FAM13C: variants seen among roughly 807,000 people sequenced by gnomAD.
The protein encoded by FAM13C is protein FAM13C.
FAM13C carries 37 observed loss-of-function variants against 73.2 expected under a neutral mutation model. That is an observed-to-expected ratio of 0.51 (90% CI 0.39 to 0.67). The LOEUF (loss-of-function observed/expected upper bound fraction) is 0.67, where lower values mean the gene tolerates loss of function less well. Among genes scored for constraint, FAM13C ranks in the 30% least tolerant of loss-of-function variants. The pLI, the probability that FAM13C is intolerant of heterozygous loss-of-function variation, is 0.00. For synonymous variants in FAM13C, 246 were observed against 260.9 expected (o/e 0.94, Z 0.55); for missense variants, 589 against 715.6 (o/e 0.82, Z 2.02).
intron 9 of FAM13C, 75 bp downstream of exon 9, chr10:59,264,010 A>T: frequency 1.5e-6 from 2 of 1,347,082 alleles, no homozygotes; most frequent in Non-Finnish European, 2.1e-6. Context: ...AATGAATCTA[A>T]AATGCTCTGG....
intron 3 of FAM13C, among the ~76,000 whole-genome samples, chr10:59,334,561 T>A (rs571436877): frequency 6.6e-6 from 1 of 152,198 alleles, no homozygotes; most frequent in Non-Finnish European, 1.5e-5. Context: ...ATATACACCA[T>A]GGAATACTGT....
chr10:59,254,213 T>C (rs1316786208), intron 11 of FAM13C, 135 bp downstream of exon 11: 1 of 516,110 alleles, frequency 1.9e-6, no homozygotes. Flanking sequence ...AAATTTTCAC[T>C]TTTTGAAATG....
chr10:59,255,969 A>G (rs903317399), intron 10 of FAM13C, among the ~76,000 whole-genome samples: 3 of 151,960 alleles, frequency 2.0e-5, no homozygotes, highest in African/African-American at 7.2e-5. Flanking sequence ...ACAGGTTTAT[A>G]TGCAAAAAGG....
chr10:59,279,398 T>C (rs1844679239), intron 6 of FAM13C, among the ~76,000 whole-genome samples: 1 of 152,224 alleles, frequency 6.6e-6, no homozygotes, highest in Admixed American at 6.5e-5. Context: ...AGAATAATTG[T>C]AGACTCTAAA....
Position 59,362,404 on chromosome 10 carries a change from TA to T in FAM13C, c.56del (p.Val19GlufsTer37). The T allele has an allele frequency of 6.2e-7, 1 of 1,614,036 alleles. No individual in the cohort carries two copies. Among genetic ancestry groups the T allele is most frequent in the Middle Eastern group, 1.7e-4 (1 of 6,060 alleles). On this transcript the variant is annotated frameshift_variant, in exon 1 of 14. Transcript: ENST00000618804. LOFTEE classifies it high-confidence loss of function. ...LQDNSFSSTT[V>X]TECDEDPVSL... ...TAATGGTAAGAATCACTTACTCTGT[TA>T]CAGTGGTGCTGCTGAAGGAATTATC...
chr10:59,343,554 G>C (rs1364423310), intron 3 of FAM13C, among the ~76,000 whole-genome samples: 1 of 152,136 alleles, frequency 6.6e-6, no homozygotes, highest in Admixed American at 6.5e-5. Flanking sequence ...TTGAGTTATG[G>C]GGTTATGGTT....
At chr10:59,268,532 G>A (rs1299191749) in intron 8 of FAM13C, 21 bp downstream of exon 8, 2 of 1,612,988 alleles carry the variant, frequency 1.2e-6, no homozygotes, top group Admixed American at 3.3e-5. Context: ...CCGCTCCTAT[G>A]TCAAACCCCA....
intron 9 of FAM13C, among the ~76,000 whole-genome samples, chr10:59,263,537 AT>A (rs1225038535): frequency 3.3e-5 from 5 of 152,016 alleles, no homozygotes; most frequent in Non-Finnish European, 5.9e-5. Flanking sequence ...GAAGAAAATA[AT>A]TTTTTATTGG....
chr10:59,340,089 T>C (rs952112402), intron 3 of FAM13C, among the ~76,000 whole-genome samples: 10 of 152,342 alleles, frequency 6.6e-5, no homozygotes, highest in African/African-American at 2.2e-4. Flanking sequence ...TTCACAGTTA[T>C]GGCCTTGCAA....
intron 4 of FAM13C, among the ~76,000 whole-genome samples, chr10:59,304,999 C>A (rs1417588020): frequency 2.6e-5 from 4 of 152,130 alleles, no homozygotes; most frequent in African/African-American, 9.7e-5. Flanking sequence ...ATGGGAGAAG[C>A]AGCCTGAGGG....
At chr10:59,348,079 TC>T (rs1329624848) in intron 3 of FAM13C, among the ~76,000 whole-genome samples, 1 of 152,126 alleles carries the variant, frequency 6.6e-6, no homozygotes, top group East Asian at 1.9e-4. Flanking sequence ...AGGTCCTACA[TC>T]CAAACTTTGT....
intron 3 of FAM13C, among the ~76,000 whole-genome samples, chr10:59,349,555 G>C (rs1051086028): frequency 4.6e-5 from 7 of 152,024 alleles, no homozygotes; most frequent in Admixed American, 3.3e-4. Flanking sequence ...CAGATTATTT[G>C]AGACCAGCCT....
chr10:59,361,365 T>C (rs1278830326), intron 1 of FAM13C, among the ~76,000 whole-genome samples: 1 of 152,196 alleles, frequency 6.6e-6, no homozygotes, highest in Non-Finnish European at 1.5e-5. Flanking sequence ...ATTGTGATAG[T>C]GGCAGGACTT....
chr10:59,343,280 T>C (rs575667579), intron 3 of FAM13C, among the ~76,000 whole-genome samples: 1 of 152,332 alleles, frequency 6.6e-6, no homozygotes, highest in East Asian at 1.9e-4. Context: ...TCAGTTCCTG[T>C]TCAAAACAAT....
At chr10:59,330,967 T>C (rs539416444) in intron 3 of FAM13C, among the ~76,000 whole-genome samples, 14 of 152,180 alleles carry the variant, frequency 9.2e-5, no homozygotes, top group Non-Finnish European at 2.1e-4. Context: ...TTGACCACTG[T>C]AACTCCTAGG....
In FAM13C at chr10:59,246,134, AT is replaced by A. The variant is rs1236573225; in HGVS notation, c.*1479del. On this transcript the variant is annotated 3_prime_UTR_variant, in exon 14 of 14. Coordinates refer to ENST00000618804, the MANE Select transcript of FAM13C (RefSeq NM_198215.4). ...ACTACTGTGTTTCAACATAATAAAT[AT>A]AATAGAAAAATATTTTATTTGTATT... is the stretch of plus-strand genomic sequence containing the variant. 1.3e-5 allele frequency: 2 copies of A among 152,736 alleles called. No homozygotes were observed. Among genetic ancestry groups the A allele is most frequent in the Non-Finnish European group, 2.9e-5 (2 of 68,110 alleles). 9.5% of individuals were successfully genotyped at this position (152,736 alleles called of 1,614,324 possible). A position where few individuals can be genotyped will look rare whatever the true frequency, so the allele number is the denominator to read the frequency against.
intron 10 of FAM13C, 25 bp downstream of exon 10, chr10:59,262,409 T>C (rs1356813455): frequency 6.2e-7 from 1 of 1,604,516 alleles, no homozygotes; most frequent in African/African-American, 1.3e-5. Flanking sequence ...AGGGGCCCTC[T>C]ATATAACAAG....
rs1459434051 is a variant in FAM13C, at chr10:59,341,512, A to T, written c.324+10758T>A. 4.6e-5 allele frequency among the ~76,000 whole-genome samples: 7 copies of T among 152,114 alleles called. No homozygotes were observed. The East Asian group carries it at 9.7e-4, about 21-fold the overall frequency. On this transcript the variant is annotated intron_variant, in intron 3 of 13. Transcript: ENST00000618804. ...AGACCAGCCTGACCAACATGGAGAA[A>T]CCCCGTCTCTACTGAAAATACAAAA...
At position 59,262,654 on chromosome 10, in the gene FAM13C, A is replaced by G. The variant is rs1038288194; in HGVS notation, c.1025-9T>C. 1.2e-6 allele frequency: 2 copies of G among 1,610,872 alleles called. No homozygotes were observed. Among genetic ancestry groups the G allele is most frequent in the Non-Finnish European group, 1.7e-6 (2 of 1,177,672 alleles). ...CAGCTTTAGCTTTAGTTCTAAGAGA[A>G]ATGCTATGAGTTATCATAAGCAAAG... is the stretch of plus-strand genomic sequence containing the variant. On this transcript the variant is annotated splice_polypyrimidine_tract_variant and intron_variant, in intron 9 of 13. Coordinates refer to ENST00000618804, the MANE Select transcript of FAM13C (RefSeq NM_198215.4).
Sources: allele counts gnomAD v4.1 joint callset (sites outside exome capture counted in the v4.1 genomes callset), GRCh38; gene constraint gnomAD v4.1.1; transcripts MANE v1.5; gene names NCBI Gene and HGNC (gene_info 2026-07-23, HGNC 2026-07-21).